SPMIP11: variants seen among roughly 807,000 people sequenced by gnomAD.
SPMIP11 encodes long intergenic non-protein coding RNA 935.
the SPMIP11 span, among the ~76,000 whole-genome samples, chr12:48,753,282 C>G: frequency 2.0e-5 from 3 of 152,332 alleles, no homozygotes; most frequent in East Asian, 5.8e-4. Flanking sequence ...TGACTACCCT[C>G]TAGCCACAGA....
At chr12:48,759,575 T>C in the SPMIP11 span, among the ~76,000 whole-genome samples, 1 of 151,226 alleles carries the variant, frequency 6.6e-6, no homozygotes, top group Non-Finnish European at 1.5e-5. Flanking sequence ...TAGTCTCAGC[T>C]ACTCAAGAGG....
At chr12:48,732,505 C>T in the SPMIP11 span, among the ~76,000 whole-genome samples, 4 of 152,158 alleles carry the variant, frequency 2.6e-5, no homozygotes, top group Non-Finnish European at 4.4e-5. Context: ...CACGGTGGCT[C>T]ATACCTGTAA....
At chr12:48,737,759 A>C in the SPMIP11 span, among the ~76,000 whole-genome samples, 2 of 151,588 alleles carry the variant, frequency 1.3e-5, no homozygotes, top group African/African-American at 2.4e-5. Flanking sequence ...TCAAACTACC[A>C]TTTGTCAGCT....
chr12:48,763,062 A>C, the SPMIP11 span, among the ~76,000 whole-genome samples: 4 of 152,196 alleles, frequency 2.6e-5, no homozygotes, highest in Non-Finnish European at 4.4e-5. Context: ...TGAACCTATA[A>C]TTATAACAAA....
the SPMIP11 span, chr12:48,771,455 A>T: frequency 1.6e-6 from 1 of 610,702 alleles, no homozygotes; most frequent in Non-Finnish European, 3.0e-6. The surrounding 1 kb of genome is among the most constrained non-coding windows in gnomAD (Gnocchi z 4.3). Flanking sequence ...CCTGGTACCT[A>T]TCCTATCCCC....
chr12:48,741,084 T>G, the SPMIP11 span, among the ~76,000 whole-genome samples: 1 of 150,892 alleles, frequency 6.6e-6, no homozygotes, highest in African/African-American at 2.4e-5. Flanking sequence ...TTTTTTTTTT[T>G]TTTTTTGAGA....
At chr12:48,770,984 G>A in the SPMIP11 span, 1 of 1,610,950 alleles carries the variant, frequency 6.2e-7, no homozygotes, top group South Asian at 1.1e-5. Flanking sequence ...AACAACACAA[G>A]GAGACCTGGC....
the SPMIP11 span, chr12:48,765,783 G>A: frequency 3.5e-5 from 23 of 657,934 alleles, no homozygotes; most frequent in Non-Finnish European, 5.5e-5. Flanking sequence ...AAACAGACTG[G>A]ACTAAAAGTT....
At chr12:48,752,669 C>CTT in the SPMIP11 span, among the ~76,000 whole-genome samples, 20 of 119,242 alleles carry the variant, frequency 1.7e-4, no homozygotes, top group Admixed American at 2.6e-4. Context: ...CCTATTTATT[C>CTT]TTTTTTTTTT....
At chr12:48,762,681 T>C in the SPMIP11 span, among the ~76,000 whole-genome samples, 1 of 151,808 alleles carries the variant, frequency 6.6e-6, no homozygotes, top group African/African-American at 2.4e-5. Flanking sequence ...ATAACATTCT[T>C]AAAATGACAA....
the SPMIP11 span, among the ~76,000 whole-genome samples, chr12:48,745,484 A>G: frequency 6.6e-6 from 1 of 151,920 alleles, no homozygotes; most frequent in Non-Finnish European, 1.5e-5. Context: ...GTGCATGCCT[A>G]TAGCCCAGCT....
the SPMIP11 span, among the ~76,000 whole-genome samples, chr12:48,761,989 C>T: frequency 1.3e-5 from 2 of 149,984 alleles, no homozygotes; most frequent in African/African-American, 4.9e-5. Flanking sequence ...TGTGAGCCAC[C>T]ATGCCAGGCC....
the SPMIP11 span, among the ~76,000 whole-genome samples, chr12:48,734,105 G>A: frequency 2.6e-5 from 4 of 151,772 alleles, no homozygotes; most frequent in African/African-American, 4.8e-5. Context: ...TCCATTTTGG[G>A]TGTTTTTTGT....
chr12:48,739,822 C>T, the SPMIP11 span, among the ~76,000 whole-genome samples: 228 of 152,276 alleles, frequency 1.5e-3, 4 homozygotes, highest in East Asian at 0.038. Flanking sequence ...CAATTCGACA[C>T]GAGGTTTGGG....
the SPMIP11 span, among the ~76,000 whole-genome samples, chr12:48,763,710 G>A: frequency 4.1e-4 from 58 of 140,584 alleles, no homozygotes; most frequent in African/African-American, 1.5e-3. Flanking sequence ...AGACAGTCTC[G>A]CTCTGTCGCC....
chr12:48,750,453 C>T, the SPMIP11 span, among the ~76,000 whole-genome samples: 2 of 152,158 alleles, frequency 1.3e-5, no homozygotes, highest in African/African-American at 4.8e-5. Context: ...TTTTATTTAA[C>T]ATATGGGCAG....
At chr12:48,738,417 A>C in the SPMIP11 span, among the ~76,000 whole-genome samples, 1 of 151,936 alleles carries the variant, frequency 6.6e-6, no homozygotes, top group Admixed American at 6.6e-5. Context: ...CATTTCCAGG[A>C]TATCTGGTGG....
At chr12:48,745,504 G>A in the SPMIP11 span, among the ~76,000 whole-genome samples, 1 of 152,066 alleles carries the variant, frequency 6.6e-6, no homozygotes, top group Non-Finnish European at 1.5e-5. Context: ...TACTTGGGAG[G>A]CTGAGGCCGG....
chr12:48,736,471 T>C, the SPMIP11 span, among the ~76,000 whole-genome samples: 1 of 151,524 alleles, frequency 6.6e-6, no homozygotes, highest in African/African-American at 2.4e-5. Context: ...TGGTTCTATA[T>C]GTACTGATTG....
Sources: allele counts gnomAD v4.1 joint callset (sites outside exome capture counted in the v4.1 genomes callset), GRCh38; gene constraint gnomAD v4.1.1; non-coding constraint Gnocchi (gnomAD v3.1); transcripts MANE v1.5; gene names NCBI Gene and HGNC (gene_info 2026-07-23, HGNC 2026-07-21).